The following ABCA1 variants were observed in gnomAD, a reference collection of about 807,000 sequenced individuals.
ABCA1 encodes the protein phospholipid-transporting ATPase ABCA1.
ABCA1 carries 133 observed loss-of-function variants against 262.5 expected under a neutral mutation model. The ratio of observed to expected loss-of-function variants is 0.51; its 90% confidence interval spans 0.44 to 0.59. The LOEUF (loss-of-function observed/expected upper bound fraction) is 0.59. Among genes scored for constraint, ABCA1 ranks in the 20% least tolerant of loss-of-function variants. The pLI, the probability that ABCA1 is intolerant of heterozygous loss-of-function variation, is 0.00. For synonymous variants in ABCA1, 1,022 were observed against 1,043.5 expected (o/e 0.98, Z 0.40); for missense variants, 2,452 against 2,777.5 (o/e 0.88, Z 2.63).
intron 5 of ABCA1, among the ~76,000 whole-genome samples, chr9:104,875,813 T>C (rs1838111689): frequency 6.6e-6 from 1 of 152,116 alleles, no homozygotes; most frequent in African/African-American, 2.4e-5. Context: ...TCATCACAGT[T>C]CTCATGGAGA....
chr9:104,906,212 AG>A (rs1428569823), intron 1 of ABCA1, among the ~76,000 whole-genome samples: 1 of 152,156 alleles, frequency 6.6e-6, no homozygotes, highest in African/African-American at 2.4e-5. Flanking sequence ...GAAAGATAGG[AG>A]GGGCAAAGCA....
In ABCA1 at chr9:104,884,405, GAA is replaced by G. The variant is rs747564213; in HGVS notation, c.302+20_302+21del. 6.2e-7 allele frequency: 1 copy of G among 1,614,132 alleles called. No individual in the cohort carries two copies. The highest frequency in any genetic ancestry group is 8.5e-7 in the Non-Finnish European group (1 of 1,179,982). On this transcript the variant is annotated intron_variant, in intron 4 of 49. Coordinates refer to ENST00000374736, the MANE Select transcript of ABCA1 (RefSeq NM_005502.4). Reference sequence around the variant, plus strand: ...AAGGATTAACTGACAAGTTTGGAAAGAAAACCTGATCTGATACTTACATGGAT... The same window carrying G: ...AAGGATTAACTGACAAGTTTGGAAAGAACCTGATCTGATACTTACATGGAT...
chr9:104,792,960 G>A, intron 41 of ABCA1, 54 bp from the exon 42 acceptor site: 1 of 1,611,962 alleles, frequency 6.2e-7, no homozygotes, highest in South Asian at 1.1e-5. Flanking sequence ...TCAGGACAAA[G>A]ATTCAGTCTC....
intron 5 of ABCA1, among the ~76,000 whole-genome samples, chr9:104,862,633 C>CTGGG (rs1836529214): frequency 4.4e-3 from 4 of 906 alleles, no homozygotes; most frequent in Non-Finnish European, 8.5e-3. Flanking sequence ...ATGCAGACTG[C>CTGGG]CGGGCCGGGC....
intron 1 of ABCA1, among the ~76,000 whole-genome samples, chr9:104,905,915 C>T (rs988627642): frequency 2.0e-5 from 3 of 152,186 alleles, no homozygotes; most frequent in African/African-American, 7.2e-5. Flanking sequence ...CTATGTGCCC[C>T]TGGCCAAGGC....
At position 104,804,660 on chromosome 9, in the gene ABCA1, G is replaced by T. The variant is rs752056503; in HGVS notation, c.4525C>A (p.Leu1509Met). ...DLTGRNISDY[L>M]VKTYVQIIAK... is the part of the protein sequence containing the mutation. ...ATGATCTGCACATACGTCTTCACCA[G>T]ATAATCCGAAATGTTTCTTCCTGTC... The change falls in exon 32 of 50, where the codon CTG (leucine) becomes ATG (methionine). Residue 1509 changes from leucine (L) to methionine (M), a missense_variant. This residue lies in a region of ABCA1 where 752 missense variants were observed against 944.5 expected (regional missense o/e 0.80). Coordinates refer to ENST00000374736, the MANE Select transcript of ABCA1 (RefSeq NM_005502.4). The T allele has an allele frequency of 4.3e-6, 7 of 1,614,080 alleles. No homozygotes were observed. The African/African-American group carries it at 8.0e-5, about 18-fold the overall frequency.
intron 3 of ABCA1, among the ~76,000 whole-genome samples, chr9:104,886,150 T>C (rs1486244366): frequency 1.3e-5 from 2 of 151,966 alleles, no homozygotes; most frequent in Non-Finnish European, 2.9e-5. Flanking sequence ...ACTGTGGGAG[T>C]GAATCTACCC....
At chr9:104,893,348 G>A (rs747169150) in intron 2 of ABCA1, among the ~76,000 whole-genome samples, 10 of 142,122 alleles carry the variant, frequency 7.0e-5, no homozygotes, top group Admixed American at 1.5e-4. Flanking sequence ...TTTGAACCCA[G>A]GAGACAGAGG....
In ABCA1 at chr9:104,816,432, G is replaced by C. The variant is rs976126724; in HGVS notation, c.3536-87C>G. On this transcript the variant is annotated intron_variant, in intron 24 of 49. Coordinates refer to ENST00000374736, the MANE Select transcript of ABCA1 (RefSeq NM_005502.4). ...GGCCATCCCCCACCCTCTCATCAGA[G>C]GCCTGCCGCTCATACACCACACCTG... is the stretch of plus-strand genomic sequence containing the variant. 2.5e-5 allele frequency: 31 copies of C among 1,261,464 alleles called. No individual in the cohort carries two copies. In the East Asian group the frequency reaches 3.5e-4, roughly 14 times the overall value. 78.1% of individuals were successfully genotyped at this position (1,261,464 alleles called of 1,614,324 possible). A position where few individuals can be genotyped will look rare whatever the true frequency, so the allele number is the denominator to read the frequency against.
intron 1 of ABCA1, among the ~76,000 whole-genome samples, chr9:104,916,682 C>CT (rs570774455): frequency 2.6e-4 from 39 of 152,014 alleles, no homozygotes; most frequent in Admixed American, 5.2e-4. Context: ...AAAACAAGTC[C>CT]TTTTTTTTGT....
intron 8 of ABCA1, among the ~76,000 whole-genome samples, chr9:104,841,049 C>A (rs1834318372): frequency 6.6e-6 from 1 of 152,110 alleles, no homozygotes; most frequent in Non-Finnish European, 1.5e-5. Flanking sequence ...ATTGAACAGC[C>A]CTCTTCCGCC....
intron 7 of ABCA1, among the ~76,000 whole-genome samples, chr9:104,852,408 T>A (rs1835449607): frequency 6.6e-6 from 1 of 152,252 alleles, no homozygotes; most frequent in South Asian, 2.1e-4. Context: ...ACCTAAATAT[T>A]AACTTTCAAA....
chr9:104,887,236 C>T (rs1839258205), intron 3 of ABCA1, among the ~76,000 whole-genome samples: 1 of 152,220 alleles, frequency 6.6e-6, no homozygotes, highest in South Asian at 2.1e-4. Context: ...GGAGATTGCA[C>T]TACTGCACTC....
In ABCA1 at chr9:104,781,905, A is replaced by C. The variant is rs1414036084; in HGVS notation, c.*2410T>G. 3 of 152,230 alleles carry C rather than the reference A, an allele frequency of 2.0e-5. No individual in the cohort carries two copies. Among genetic ancestry groups the C allele is most frequent in the African/African-American group, 7.2e-5 (3 of 41,456 alleles). 9.4% of individuals were successfully genotyped at this position (152,230 alleles called of 1,614,324 possible). A position where few individuals can be genotyped will look rare whatever the true frequency, so the allele number is the denominator to read the frequency against. On this transcript the variant is annotated 3_prime_UTR_variant, in exon 50 of 50. Coordinates refer to ENST00000374736, the MANE Select transcript of ABCA1 (RefSeq NM_005502.4). ...TTAGGTTTACACAGGAAAATGTAAA[A>C]AATTACTATTTTAAAAGGTAACACA...
At chr9:104,864,179 C>T (rs1836872910) in intron 5 of ABCA1, among the ~76,000 whole-genome samples, 1 of 152,178 alleles carries the variant, frequency 6.6e-6, no homozygotes, top group South Asian at 2.1e-4. Flanking sequence ...TAGCTGAATA[C>T]TAAACACTAG....
At chr9:104,789,356 G>A (rs1054215312) in intron 44 of ABCA1, among the ~76,000 whole-genome samples, 2 of 152,208 alleles carry the variant, frequency 1.3e-5, no homozygotes, top group Admixed American at 6.5e-5. Flanking sequence ...CTAGGAGCAA[G>A]CCTAGGAAAG....
In ABCA1 at chr9:104,806,430, T is replaced by C. The variant is rs1830772490; in HGVS notation, c.4275A>G (p.Pro1425=). The part of the protein sequence containing the change: ...GTRCMEGNPI[P]DTPCQAGEEE... ...CCTCCCCTGCCTGGCAGGGCGTGTC[T>C]CTGCAAAGGGAAGACAGCAAGAGTA... Residue 1425 remains proline, a splice_region_variant and synonymous_variant, in exon 31 of 50, where the codon CCA becomes CCG. Coordinates refer to ENST00000374736, the MANE Select transcript of ABCA1 (RefSeq NM_005502.4). The C allele has an allele frequency of 6.2e-6, 10 of 1,614,044 alleles. No homozygotes were observed. In the South Asian group the frequency reaches 1.1e-4, roughly 18 times the overall value.
chr9:104,913,787 TTTTA>T (rs945914067), intron 1 of ABCA1, among the ~76,000 whole-genome samples: 50 of 150,418 alleles, frequency 3.3e-4, no homozygotes, highest in Admixed American at 1.0e-3. Context: ...TTTTATTTTA[TTTTA>T]TTTATTTATC....
chr9:104,832,727 C>A lies in ABCA1; in HGVS notation c.1356G>T (p.Gln452His). ...SRDNDHFWEQQLDGLDWTAQD... is the reference protein window; with the variant it reads ...SRDNDHFWEQHLDGLDWTAQD... ...GGGCTGTCCAATCTAAGCCATCCAA[C>A]TGCTGTTCCCAAAAGTGGTCATTGT... Residue 452 changes from glutamine to histidine, a missense_variant, in exon 12 of 50, where the codon CAG becomes CAT. Gln to His is a conservative substitution (Grantham distance 24). This residue lies in a region of ABCA1 where 1,032 missense variants were observed against 1,089.7 expected (regional missense o/e 0.95). Coordinates refer to ENST00000374736, the MANE Select transcript of ABCA1 (RefSeq NM_005502.4). The A allele has an allele frequency of 6.2e-7, 1 of 1,614,228 alleles. No individual in the cohort carries two copies. The highest frequency in any genetic ancestry group is 8.5e-7 in the Non-Finnish European group (1 of 1,180,040).
Sources: gnomAD v4.1 joint callset for allele counts (sites outside exome capture counted in the v4.1 genomes callset) on GRCh38, gnomAD v4.1.1 for gene constraint, gnomAD v4.1.1 regional missense constraint, MANE v1.5 for transcripts, NCBI Gene and HGNC (gene_info 2026-07-23, HGNC 2026-07-21) for gene names.